The following CDHR5 variants were observed in gnomAD, a reference collection of about 807,000 sequenced individuals.
CDHR5 encodes cadherin-related family member 5.
CDHR5 carries 82 observed loss-of-function variants against 69.5 expected under a neutral mutation model. The ratio of observed to expected loss-of-function variants is 1.18; its 90% CI spans 0.99 to 1.42. The LOEUF (loss-of-function observed/expected upper bound fraction) is 1.42, where lower values mean the gene tolerates loss of function less well. CDHR5 is among the 40% of genes most tolerant of loss of function. CDHR5 has a pLI of 0.00. For synonymous variants in CDHR5, 601 were observed against 510.2 expected, an observed-to-expected ratio of 1.18 and a Z score of -2.40; for missense variants, 1,293 against 1,168.9, an observed-to-expected ratio of 1.11 and a Z score of -1.55.
Position 617,152 on chromosome 11 carries a change from C to T in CDHR5, c.*199G>A. 1 of 591,684 alleles carries T rather than the reference C, an allele frequency of 1.7e-6. No homozygotes were observed. Among genetic ancestry groups the T allele is most frequent in the Non-Finnish European group, 3.0e-6 (1 of 328,996 alleles). The allele number at this position is 591,684 out of a possible 1,614,324, so 36.7% of individuals were successfully genotyped here. A position where few individuals can be genotyped will look rare whatever the true frequency, so the allele number is the denominator to read the frequency against. Reference sequence around the variant, plus strand: ...GGGGTGGGGACAGCGTGGCCAGACCCACCGCCTCATCTGCACACCTGGGCT... The same window carrying T: ...GGGGTGGGGACAGCGTGGCCAGACCTACCGCCTCATCTGCACACCTGGGCT... On this transcript the variant is annotated 3_prime_UTR_variant, in exon 15 of 15. Coordinates refer to ENST00000397542, the MANE Select transcript of CDHR5 (RefSeq NM_021924.5).
chr11:619,662 C>T lies in CDHR5; in HGVS notation c.1179+19G>A. On this transcript the variant is annotated intron_variant, in intron 10 of 14. Coordinates refer to ENST00000397542, the MANE Select transcript of CDHR5 (RefSeq NM_021924.5). The stretch of plus-strand genomic sequence containing the variant: ...CCCTGACCCACCCACAGAGGGGAGG[C>T]CTTGGATGCACTCTCTACCGAGAAC... 6.2e-7 allele frequency: 1 copy of T among 1,612,548 alleles called. No individual in the cohort carries two copies. The highest frequency in any genetic ancestry group is 8.5e-7 in the Non-Finnish European group (1 of 1,179,084).
Position 624,504 on chromosome 11 carries a change from T to C in CDHR5, c.261+53A>G. 6.4e-7 allele frequency: 1 copy of C among 1,565,080 alleles called. No homozygotes were observed. The highest frequency in any genetic ancestry group is 1.1e-5 in the South Asian group (1 of 90,088). On this transcript the variant is annotated intron_variant, in intron 2 of 14. Transcript: ENST00000397542. This position sits in a 1 kb window ranked among gnomAD's most constrained non-coding sequence, Gnocchi z 5.3. Reference sequence around the variant, plus strand: ...CCCCAAGGGAGGTGTGGCCTGAGGATGCAGGTGCCCTTCTCCCGGGACCCC... The same window carrying C: ...CCCCAAGGGAGGTGTGGCCTGAGGACGCAGGTGCCCTTCTCCCGGGACCCC...
chr11:618,463 C>G, intron 13 of CDHR5, 136 bp downstream of exon 13: 1 of 1,077,788 alleles, frequency 9.3e-7, no homozygotes, highest in Non-Finnish European at 1.3e-6. Flanking sequence ...CTGTCTGTGT[C>G]TGTCAGTCCC....
rs537203327 is a variant in CDHR5, at chr11:624,652, C to G, written c.166G>C (p.Glu56Gln). 9 of 1,613,528 alleles carry G rather than the reference C, an allele frequency of 5.6e-6. No individual in the cohort carries two copies. The highest frequency in any genetic ancestry group is 5.1e-6 in the Non-Finnish European group (6 of 1,179,684). ...GCTCCGAGGGTCACCTCCTGGCCCTCCGGGACGTGGATGTCCACCAGCGGC... is the reference window on the plus strand; with the variant it reads ...GCTCCGAGGGTCACCTCCTGGCCCTGCGGGACGTGGATGTCCACCAGCGGC... ...TEPLVDIHVP[E>Q]GQEVTLGALS... The change falls in exon 2 of 15, where the codon GAG becomes CAG. Residue 56 changes from glutamate to glutamine, a missense_variant. By Grantham distance (29) the Glu-to-Gln change is conservative (BLOSUM62 2). Transcript: ENST00000397542. This position sits in a 1 kb window ranked among gnomAD's most constrained non-coding sequence, Gnocchi z 5.3.
intron 7 of CDHR5, 78 bp from the exon 8 acceptor site, chr11:620,464 C>T: frequency 9.6e-7 from 1 of 1,042,868 alleles, no homozygotes; most frequent in East Asian, 2.4e-5. Context: ...GACTCCCCAT[C>T]AAGGGCAGGG....
At position 617,256 on chromosome 11, in the gene CDHR5, T is replaced by C; in HGVS notation, c.*95A>G. 9.6e-7 allele frequency: 1 copy of C among 1,037,966 alleles called. No homozygotes were observed. Among genetic ancestry groups the C allele is most frequent in the Middle Eastern group, 2.4e-4 (1 of 4,150 alleles). The allele number at this position is 1,037,966 out of a possible 1,614,324, so 64.3% of individuals were successfully genotyped here. ...CGCCTGCCCCACGCCATGGCCTGGG[T>C]TTCGGGAGCCTTGCTTTATTCTGCC... On this transcript the variant is annotated 3_prime_UTR_variant, in exon 15 of 15. Coordinates refer to ENST00000397542, the MANE Select transcript of CDHR5 (RefSeq NM_021924.5).
rs374425531 is a variant in CDHR5 at position 619,690 on chromosome 11, C to T, written c.1170G>A (p.Pro390=). ...TGGATGCACTCTCTACCGAGAACTC[C>T]GGGTCCTGAGCCTGGATCCTCAGAG... ...SQPLRIQAQD[P]EFSDLNSAIT... Residue 390 remains proline, a synonymous_variant, in exon 10 of 15, where the codon CCG becomes CCA. Coordinates refer to ENST00000397542, the MANE Select transcript of CDHR5 (RefSeq NM_021924.5). 1.1e-4 allele frequency: 170 copies of T among 1,613,354 alleles called. 1 individual carries two copies. The Middle Eastern group carries it at 1.7e-3, about 16-fold the overall frequency.
Position 616,951 on chromosome 11 carries a change from CGGGA to C in CDHR5, c.*396_*399del. 1.8e-5 allele frequency: 4 copies of C among 216,512 alleles called. No homozygotes were observed. The highest frequency in any genetic ancestry group is 3.7e-5 in the Non-Finnish European group (4 of 107,542). 13.4% of individuals were successfully genotyped at this position (216,512 alleles called of 1,614,324 possible). ...TCCCCAGGCAATCTCTGTGTAGGGTCGGGAGCGGGAGGTCTGAGATGAGCCGGGT... is the reference window on the plus strand; with the variant it reads ...TCCCCAGGCAATCTCTGTGTAGGGTCGCGGGAGGTCTGAGATGAGCCGGGT... On this transcript the variant is annotated 3_prime_UTR_variant, in exon 15 of 15. Transcript: ENST00000397542.
rs1175200835 is a variant in CDHR5 at position 616,913 on chromosome 11, C to T, written c.*438G>A. On this transcript the variant is annotated 3_prime_UTR_variant, in exon 15 of 15. Transcript: ENST00000397542. ...AGTGCGTCGCCTTGGGGGTTTGCAT[C>T]GGCTCCTCAGCCTCCCCAGGCAATC... is the stretch of plus-strand genomic sequence containing the variant. 15 of 195,180 alleles carry T rather than the reference C, an allele frequency of 7.7e-5. No homozygotes were observed. Among genetic ancestry groups the T allele is most frequent in the Admixed American group, 5.9e-4 (10 of 16,870 alleles). The allele number at this position is 195,180 out of a possible 1,614,324, so 12.1% of individuals were successfully genotyped here.
Position 618,642 on chromosome 11 carries a change from T to A in CDHR5, c.1917A>T (p.Gly639=). 1.2e-6 allele frequency: 2 copies of A among 1,612,574 alleles called. No homozygotes were observed. Among genetic ancestry groups the A allele is most frequent in the Non-Finnish European group, 1.7e-6 (2 of 1,178,896 alleles). The change falls in exon 13 of 15, where the codon GGA becomes GGT. Residue 639 remains glycine (G), a synonymous_variant. Coordinates refer to ENST00000397542, the MANE Select transcript of CDHR5 (RefSeq NM_021924.5). ...TGCTGAGGGGCATCGGCTGAGAGGT[T>A]CCTGGCTCTGGGGTCTGTGCTGTGC... ...GGGTAQTPEP[G]TSQPMPLSKS...
chr11:622,785 C>G (rs114378337), intron 3 of CDHR5, among the ~76,000 whole-genome samples: 1 of 152,010 alleles, frequency 6.6e-6, no homozygotes, highest in Non-Finnish European at 1.5e-5. Context: ...CAGGACTCTT[C>G]TTTTTAGAAC....
At position 618,007 on chromosome 11, in the gene CDHR5, G is replaced by A. The variant is rs746133747; in HGVS notation, c.2065C>T (p.Leu689Phe). The change falls in exon 14 of 15, where the codon CTT becomes TTT. Residue 689 changes from leucine (L) to phenylalanine (F), a missense_variant. Coordinates refer to ENST00000397542, the MANE Select transcript of CDHR5 (RefSeq NM_021924.5). ...CGGGGGCCATAGTGCTTGTGGACAA[G>A]GACGGCGAGGCCAAGGAGAGCCAGC... ...LLLALLGLAV[L>F]VHKHYGPRLK... 1.2e-6 allele frequency: 2 copies of A among 1,612,464 alleles called. No individual in the cohort carries two copies.
chr11:618,345 G>A (rs1857110326), intron 13 of CDHR5, among the ~76,000 whole-genome samples: 1 of 152,224 alleles, frequency 6.6e-6, no homozygotes, highest in African/African-American at 2.4e-5. Flanking sequence ...AAGAGGTGCA[G>A]GGACTTGCAG....
At position 621,442 on chromosome 11, in the gene CDHR5, T is replaced by A. The variant is rs762019954; in HGVS notation, c.521A>T (p.Tyr174Phe). Residue 174 changes from tyrosine (Y) to phenylalanine (F), a missense_variant, in exon 6 of 15, where the codon TAC becomes TTC. By Grantham distance (22) the Tyr-to-Phe change is conservative (BLOSUM62 3). Transcript: ENST00000397542. This position sits in a 1 kb window ranked among gnomAD's most constrained non-coding sequence, Gnocchi z 4.4. ...ACGGTTTACACTCACCAGGGAGAAG[T>A]AGTCACTGGCACCCTGGGGAGGGTC... ...LQEMTAGASD[Y>F]FSLVSVNRPA... 33 of 1,612,194 alleles carry A rather than the reference T, an allele frequency of 2.0e-5. No individual in the cohort carries two copies. The highest frequency in any genetic ancestry group is 2.7e-5 in the Non-Finnish European group (32 of 1,179,500).
At position 619,077 on chromosome 11, in the gene CDHR5, G is replaced by T; in HGVS notation, c.1482C>A (p.Thr494=). The T allele has an allele frequency of 6.2e-7, 1 of 1,612,166 alleles. No individual in the cohort carries two copies. The highest frequency in any genetic ancestry group is 8.5e-7 in the Non-Finnish European group (1 of 1,179,528). The change falls in exon 13 of 15, where the codon ACC becomes ACA. Residue 494 remains threonine (T), a synonymous_variant. Transcript: ENST00000397542. The part of the protein sequence containing the change: ...PPEPSQGPST[T]SSGGGTGPHP... ...GAGGGCCTGTGCCTCCCCCAGAGCT[G>T]GTCGTGGAGGGTCCCTGGGAGGGCT... is the stretch of plus-strand genomic sequence containing the variant.
chr11:619,609 C>T (rs1181758624), intron 10 of CDHR5, 22 bp from the exon 11 acceptor site: 1 of 1,609,476 alleles, frequency 6.2e-7, no homozygotes, highest in Admixed American at 1.7e-5. Context: ...CTCATTGAGT[C>T]CCCGGCCAGG....
chr11:618,740 C>A lies in CDHR5; in HGVS notation c.1819G>T (p.Ala607Ser). The A allele has an allele frequency of 6.7e-7, 1 of 1,489,352 alleles. No homozygotes were observed. The highest frequency in any genetic ancestry group is 8.9e-7 in the Non-Finnish European group (1 of 1,118,510). 92.3% of individuals were successfully genotyped at this position (1,489,352 alleles called of 1,614,324 possible). The change falls in exon 13 of 15, where the codon GCA (alanine) becomes TCA (serine). Residue 607 changes from alanine (A) to serine (S), a missense_variant. Coordinates refer to ENST00000397542, the MANE Select transcript of CDHR5 (RefSeq NM_021924.5). The stretch of plus-strand genomic sequence containing the variant: ...GGGGGCATCGGCTGAGAGGTTCCTG[C>A]CTCTGGGGTCTGTGCTGTGCCCCCA... ...PGGGTAQTPE[A>S]GTSQPMPPGM...
chr11:619,225 T>G (rs758996677), intron 12 of CDHR5, 45 bp from the exon 13 acceptor site: 22 of 1,472,506 alleles, frequency 1.5e-5, no homozygotes, highest in Non-Finnish European at 1.9e-5. Context: ...GCCCGCCCCT[T>G]GCACACCTAC....
At chr11:617,830 A>G (rs1439822739) in intron 14 of CDHR5, 60 bp from the exon 15 acceptor site, 11 of 1,470,620 alleles carry the variant, frequency 7.5e-6, no homozygotes, top group Non-Finnish European at 9.0e-6. Context: ...TTGGCCCTGC[A>G]CACCCTCATT....
Sources: gnomAD v4.1 joint callset for allele counts (sites outside exome capture counted in the v4.1 genomes callset) on GRCh38, gnomAD v4.1.1 for gene constraint, Gnocchi (gnomAD v3.1) non-coding constraint, MANE v1.5 for transcripts, NCBI Gene and HGNC (gene_info 2026-07-23, HGNC 2026-07-21) for gene names.